MRTFB: variants seen among roughly 807,000 people sequenced by gnomAD.
The protein encoded by MRTFB is myocardin related transcription factor B, also known as myocardin-related transcription factor B.
Under a neutral mutation model 104.2 loss-of-function variants are expected in MRTFB, and 29 were observed. That is an observed-to-expected ratio of 0.28 (90% CI 0.21 to 0.38). The LOEUF is 0.38. Ranked by LOEUF, MRTFB falls within the 10% of genes least tolerant of loss-of-function variation. The pLI is 1.00. For missense variants in MRTFB, 1,270 were observed against 1,341.6 expected (o/e 0.95, Z 0.83); for synonymous variants, 535 against 519.5 (o/e 1.03, Z -0.41).
chr16:14,204,221 C>A (rs1479594541), intron 3 of MRTFB, among the ~76,000 whole-genome samples: 1 of 152,108 alleles, frequency 6.6e-6, no homozygotes, highest in African/African-American at 2.4e-5. Context: ...AGCCATCCTC[C>A]CTCTTCAGCC....
chr16:14,176,763 A>G (rs2039596698), intron 3 of MRTFB, among the ~76,000 whole-genome samples: 1 of 152,276 alleles, frequency 6.6e-6, no homozygotes. Flanking sequence ...GAGTTAATAC[A>G]TGTAAAACAC....
intron 9 of MRTFB, among the ~76,000 whole-genome samples, chr16:14,238,366 G>C (rs2042616107): frequency 6.6e-6 from 1 of 152,152 alleles, no homozygotes; most frequent in Admixed American, 6.5e-5. Context: ...GTGGGATATA[G>C]CTTGGTAAGG....
chr16:14,258,493 G>A (rs2043615835), intron 16 of MRTFB, among the ~76,000 whole-genome samples: 1 of 152,172 alleles, frequency 6.6e-6, no homozygotes, highest in Non-Finnish European at 1.5e-5. Context: ...CTACTAGGAA[G>A]TTGAGGTAGG....
chr16:14,257,454 C>T (rs2043545798), intron 15 of MRTFB, among the ~76,000 whole-genome samples: 1 of 151,960 alleles, frequency 6.6e-6, no homozygotes. Flanking sequence ...ACAGATAAAT[C>T]TCAGAATAAT....
intron 2 of MRTFB, among the ~76,000 whole-genome samples, chr16:14,091,485 G>GT (rs2035060324): frequency 6.6e-6 from 1 of 152,118 alleles, no homozygotes; most frequent in Non-Finnish European, 1.5e-5. Flanking sequence ...CCCAGCTTTG[G>GT]TTTTAAAATC....
intron 2 of MRTFB, among the ~76,000 whole-genome samples, chr16:14,120,930 C>T (rs1191231208): frequency 6.6e-6 from 1 of 151,824 alleles, no homozygotes; most frequent in Non-Finnish European, 1.5e-5. Flanking sequence ...CTTTCAGCAG[C>T]AATGAGTGGT....
rs1045318301 is a variant in MRTFB, at chr16:14,235,959, T to C, written c.831+1676T>C. ...ACTTTGGGAGGCCAAGGCAGGCAGA[T>C]TGCTTGAGCTCAGGAGTTTGAGCCA... On this transcript the variant is annotated intron_variant, in intron 9 of 16. Transcript: ENST00000571589. Among the ~76,000 whole-genome samples the C allele has an allele frequency of 2.6e-5, 4 of 152,164 alleles. No homozygotes were observed. The East Asian group carries it at 5.8e-4, about 22-fold the overall frequency.
intron 3 of MRTFB, chr16:14,187,146 G>C (rs1462389053): frequency 6.0e-6 from 5 of 835,892 alleles, no homozygotes; most frequent in Non-Finnish European, 9.1e-6. Flanking sequence ...GTTCACTCAT[G>C]TACCTTACAC....
chr16:14,001,065 C>A, the MRTFB span, among the ~76,000 whole-genome samples: 1 of 152,240 alleles, frequency 6.6e-6, no homozygotes, highest in Non-Finnish European at 1.5e-5. Flanking sequence ...ATAGCGACTA[C>A]GTCCCTCACC....
intron 8 of MRTFB, 36 bp downstream of exon 8, chr16:14,219,034 A>T (rs1323360295): frequency 1.3e-6 from 2 of 1,536,748 alleles, no homozygotes; most frequent in Non-Finnish European, 1.8e-6. Flanking sequence ...TAAAGAAAGA[A>T]AATGCCTTGT....
rs1478290845 is a variant in MRTFB, at chr16:14,247,407, C to G, written c.2147C>G (p.Ala716Gly). Residue 716 changes from alanine to glycine, a missense_variant, in exon 12 of 17, where the codon GCT (alanine) becomes GGT (glycine). By Grantham distance (60) the Ala-to-Gly change is moderately conservative. Coordinates refer to ENST00000571589, the MANE Select transcript of MRTFB (RefSeq NM_001308142.2). Reference sequence around the variant, plus strand: ...CCTGCTGTTGTTGCTCAGCCCCAGGCTTTACTGACCACGCAGACTGCTCAG... The same window carrying G: ...CCTGCTGTTGTTGCTCAGCCCCAGGGTTTACTGACCACGCAGACTGCTCAG... ...PPPAVVAQPQ[A>G]LLTTQTAQLL... 3 of 1,612,806 alleles carry G rather than the reference C, an allele frequency of 1.9e-6. No individual in the cohort carries two copies. Among genetic ancestry groups the G allele is most frequent in the Non-Finnish European group, 1.7e-6 (2 of 1,180,014 alleles).
chr16:14,088,712 C>T (rs1361965099), intron 2 of MRTFB, among the ~76,000 whole-genome samples: 1 of 152,118 alleles, frequency 6.6e-6, no homozygotes, highest in African/African-American at 2.4e-5. Context: ...TCATGACTGC[C>T]AAGTACAAAC....
intron 2 of MRTFB, among the ~76,000 whole-genome samples, chr16:14,101,821 A>T (rs1214261736): frequency 1.3e-5 from 2 of 152,252 alleles, no homozygotes; most frequent in African/African-American, 4.8e-5. Flanking sequence ...GAGTTTTTTT[A>T]AAAAAGGATT....
intron 8 of MRTFB, among the ~76,000 whole-genome samples, chr16:14,219,364 G>A (rs2041582037): frequency 6.6e-6 from 1 of 152,164 alleles, no homozygotes; most frequent in Non-Finnish European, 1.5e-5. Flanking sequence ...AATTGCATTG[G>A]AAATTTACAT....
At chr16:14,021,980 A>G in the MRTFB span, among the ~76,000 whole-genome samples, 4 of 152,192 alleles carry the variant, frequency 2.6e-5, no homozygotes, top group Admixed American at 2.0e-4. Context: ...TTAAAGAACT[A>G]AAAGTAGAAC....
intron 3 of MRTFB, chr16:14,170,016 C>CTA (rs909871788): frequency 2.6e-5 from 4 of 152,106 alleles, no homozygotes; most frequent in Admixed American, 6.5e-5. Context: ...TTTCAATAAG[C>CTA]TATAAGCCCT....
chr16:14,025,349 A>C, the MRTFB span, among the ~76,000 whole-genome samples: 1 of 152,190 alleles, frequency 6.6e-6, no homozygotes, highest in East Asian at 1.9e-4. Flanking sequence ...TGCAGCTATC[A>C]ATTTTTTTAT....
intron 3 of MRTFB, among the ~76,000 whole-genome samples, chr16:14,208,081 A>C (rs1450347214): frequency 6.6e-6 from 1 of 152,186 alleles, no homozygotes; most frequent in Non-Finnish European, 1.5e-5. Context: ...AAGTGTTGGA[A>C]ATAGAAACAG....
At chr16:14,174,295 C>T (rs1027651140) in intron 3 of MRTFB, among the ~76,000 whole-genome samples, 10 of 152,134 alleles carry the variant, frequency 6.6e-5, no homozygotes, top group African/African-American at 2.4e-4. Context: ...TATCTGTTGT[C>T]CTTTTTGTTT....
Sources: gnomAD v4.1 joint callset for allele counts (sites outside exome capture counted in the v4.1 genomes callset) on GRCh38, gnomAD v4.1.1 for gene constraint, MANE v1.5 for transcripts, NCBI Gene and HGNC (gene_info 2026-07-23, HGNC 2026-07-21) for gene names.